Variants in RAB39A observed in about 807,000 individuals in gnomAD.
RAB39A encodes ras-related protein Rab-39A.
In RAB39A, 17 loss-of-function variants were observed where a neutral mutation model predicts 20.9. The ratio of observed to expected loss-of-function variants is 0.81; its 90% CI spans 0.56 to 1.22. RAB39A has a LOEUF of 1.22. RAB39A is among the 50% of genes most tolerant of loss of function. The pLI is 0.00. For synonymous variants in RAB39A, 99 were observed against 103.4 expected, an observed-to-expected ratio of 0.96 and a Z score of 0.26; for missense variants, 234 against 270.5, an observed-to-expected ratio of 0.87 and a Z score of 0.95.
intron 1 of RAB39A, among the ~76,000 whole-genome samples, chr11:107,931,524 A>C (rs1425876214): frequency 6.6e-6 from 1 of 152,190 alleles, no homozygotes; most frequent in Non-Finnish European, 1.5e-5. Flanking sequence ...TTTTACCTTA[A>C]GATTGCATTT....
chr11:107,934,474 A>ACTAAAAATACAAAAATTAGCC (rs1861172387), intron 1 of RAB39A, among the ~76,000 whole-genome samples: 1 of 152,090 alleles, frequency 6.6e-6, no homozygotes, highest in Non-Finnish European at 1.5e-5. Context: ...CTGGTGCTCT[A>ACTAAAAATACAAAAATTAGCC]AGGAGTATAA....
intron 1 of RAB39A, among the ~76,000 whole-genome samples, chr11:107,956,352 A>C (rs926145193): frequency 6.6e-6 from 1 of 152,222 alleles, no homozygotes; most frequent in Admixed American, 6.5e-5. Context: ...AACAGTGAGC[A>C]GTATTGACAT....
At chr11:107,940,822 T>A (rs886643475) in intron 1 of RAB39A, among the ~76,000 whole-genome samples, 11 of 151,914 alleles carry the variant, frequency 7.2e-5, no homozygotes, top group African/African-American at 2.7e-4. Flanking sequence ...ATACAAAAAA[T>A]TAGCTGGGTG....
intron 1 of RAB39A, among the ~76,000 whole-genome samples, chr11:107,945,647 C>A (rs1240775297): frequency 6.6e-6 from 1 of 152,136 alleles, no homozygotes; most frequent in Non-Finnish European, 1.5e-5. Context: ...ACACCAGATA[C>A]TTCTGGAAGT....
chr11:107,946,460 ATTTTTTTTTTTTTTTTTT>A (rs869125579), intron 1 of RAB39A, among the ~76,000 whole-genome samples: 2 of 15,750 alleles, frequency 1.3e-4, no homozygotes, highest in Non-Finnish European at 2.2e-4. Context: ...ATATATATAT[ATTTTTTTTTTTTTTTTTT>A]TTTTTTTTTT....
intron 1 of RAB39A, among the ~76,000 whole-genome samples, chr11:107,957,484 G>T (rs1861449312): frequency 6.6e-6 from 1 of 152,176 alleles, no homozygotes; most frequent in Non-Finnish European, 1.5e-5. Context: ...TTTCAATTAA[G>T]GCAAGGAAAG....
intron 1 of RAB39A, among the ~76,000 whole-genome samples, chr11:107,957,377 G>T (rs896536649): frequency 1.3e-5 from 2 of 152,214 alleles, no homozygotes; most frequent in Non-Finnish European, 2.9e-5. Flanking sequence ...TTATCAGGAA[G>T]TTGCACTGGG....
chr11:107,951,780 C>T (rs984296114), intron 1 of RAB39A, among the ~76,000 whole-genome samples: 12 of 151,976 alleles, frequency 7.9e-5, no homozygotes, highest in Non-Finnish European at 1.3e-4. Context: ...CCACTGTGTC[C>T]GGCATCTACT....
At chr11:107,935,962 G>A (rs1035139151) in intron 1 of RAB39A, among the ~76,000 whole-genome samples, 1 of 144,356 alleles carries the variant, frequency 6.9e-6, no homozygotes, top group African/African-American at 2.6e-5. Flanking sequence ...CTGGAGGGCA[G>A]TGGTGTCATC....
At chr11:107,952,013 A>T (rs1861385737) in intron 1 of RAB39A, among the ~76,000 whole-genome samples, 1 of 152,202 alleles carries the variant, frequency 6.6e-6, no homozygotes, top group African/African-American at 2.4e-5. Context: ...AATCTTTGTA[A>T]ATGTATGCAA....
Position 107,946,452 on chromosome 11 carries a change from ATATATATATTTTTTTTTTT to A in RAB39A, c.228-15492_228-15474del, listed in dbSNP as rs1565464294. On this transcript the variant is annotated intron_variant, in intron 1 of 1. Coordinates refer to ENST00000320578, the MANE Select transcript of RAB39A (RefSeq NM_017516.3). ...TGTGTGTGTGTATATATATATATAT[ATATATATATTTTTTTTTTT>A]TTTTTTTTTTTTTTTTTTTGAGACA... 8.4e-5 allele frequency among the ~76,000 whole-genome samples: 6 copies of A among 71,800 alleles called. No homozygotes were observed. In the East Asian group the frequency reaches 1.4e-3, roughly 17 times the overall value. 47.1% of individuals were successfully genotyped at this position (71,800 alleles called of 152,430 possible).
chr11:107,958,384 T>G (rs1861459762), intron 1 of RAB39A, among the ~76,000 whole-genome samples: 1 of 152,204 alleles, frequency 6.6e-6, no homozygotes, highest in Non-Finnish European at 1.5e-5. Flanking sequence ...GAGACCTAAG[T>G]GTCTCAACTT....
At chr11:107,940,573 A>G (rs915533829) in intron 1 of RAB39A, among the ~76,000 whole-genome samples, 4 of 152,128 alleles carry the variant, frequency 2.6e-5, no homozygotes, top group Non-Finnish European at 4.4e-5. Context: ...CTCAAGAGCA[A>G]AATTCCTACA....
intron 1 of RAB39A, among the ~76,000 whole-genome samples, chr11:107,934,293 G>T (rs1861169830): frequency 6.6e-6 from 1 of 152,022 alleles, no homozygotes; most frequent in African/African-American, 2.4e-5. Flanking sequence ...AATTAGCTGG[G>T]CATGGTGGCA....
At chr11:107,957,986 G>A (rs909143503) in intron 1 of RAB39A, among the ~76,000 whole-genome samples, 2 of 151,920 alleles carry the variant, frequency 1.3e-5, no homozygotes, top group Non-Finnish European at 1.5e-5. Flanking sequence ...CTGCCTCCTG[G>A]GTTCAAGCAA....
At chr11:107,931,741 G>C (rs1201454131) in intron 1 of RAB39A, among the ~76,000 whole-genome samples, 4 of 151,912 alleles carry the variant, frequency 2.6e-5, no homozygotes, top group Non-Finnish European at 4.4e-5. Flanking sequence ...GATATAAACT[G>C]ACAAAAAGGA....
chr11:107,939,674 A>C (rs1260663135), intron 1 of RAB39A, among the ~76,000 whole-genome samples: 1 of 152,090 alleles, frequency 6.6e-6, no homozygotes, highest in East Asian at 1.9e-4. Flanking sequence ...TGGAGTATTT[A>C]TATTTTAAAG....
chr11:107,947,107 G>A (rs999149874), intron 1 of RAB39A, among the ~76,000 whole-genome samples: 1 of 151,496 alleles, frequency 6.6e-6, no homozygotes, highest in Non-Finnish European at 1.5e-5. Flanking sequence ...AGAAAAAGAT[G>A]ATTTTTTTTT....
intron 1 of RAB39A, among the ~76,000 whole-genome samples, chr11:107,930,280 T>C (rs1861122550): frequency 6.6e-6 from 1 of 152,226 alleles, no homozygotes; most frequent in South Asian, 2.1e-4. Flanking sequence ...TTCAAATGTT[T>C]GATTCCTCAT....
Sources: allele counts gnomAD v4.1 joint callset (sites outside exome capture counted in the v4.1 genomes callset), GRCh38; gene constraint gnomAD v4.1.1; transcripts MANE v1.5; gene names NCBI Gene and HGNC (gene_info 2026-07-23, HGNC 2026-07-21).